The following CFAP20DC variants were observed in gnomAD, a reference collection of about 807,000 sequenced individuals.
CFAP20DC encodes the protein protein CFAP20DC.
CFAP20DC carries 84 observed loss-of-function variants against 101.7 expected under a neutral mutation model. That is an observed-to-expected ratio of 0.83 (90% CI 0.69 to 0.99). The LOEUF is 0.99. CFAP20DC is among the 50% of genes least tolerant of loss of function. The pLI is 0.00. For missense variants in CFAP20DC, 1,007 were observed against 970.3 expected (o/e 1.04, Z -0.50); for synonymous variants, 359 against 351.2 (o/e 1.02, Z -0.25).
chr3:58,967,801 A>G (rs774423694), intron 4 of CFAP20DC, among the ~76,000 whole-genome samples: 3 of 152,154 alleles, frequency 2.0e-5, no homozygotes, highest in Non-Finnish European at 4.4e-5. Flanking sequence ...AGATTATTTC[A>G]TCACCCAGGT....
Position 58,849,311 on chromosome 3 carries a change from C to T in CFAP20DC, c.1692G>A (p.Arg564=). The T allele has an allele frequency of 6.5e-7, 1 of 1,536,084 alleles. No individual in the cohort carries two copies. Among genetic ancestry groups the T allele is most frequent in the Non-Finnish European group, 8.7e-7 (1 of 1,146,902 alleles). The change falls in exon 13 of 17, where the codon CGG becomes CGA. Residue 564 remains arginine, a synonymous_variant. Coordinates refer to ENST00000482387, the MANE Select transcript of CFAP20DC (RefSeq NM_001394063.1). The part of the protein sequence containing the change: ...LESLLGKAAK[R]TSKEYLRSAY... ...CGCTCCTTAGATATTCCTTACTTGTCCGCTTTGCAGCCTTCCCCAGCAGGC... is the reference window on the plus strand; with the variant it reads ...CGCTCCTTAGATATTCCTTACTTGTTCGCTTTGCAGCCTTCCCCAGCAGGC...
chr3:58,836,114 C>T (rs555956076), intron 13 of CFAP20DC, among the ~76,000 whole-genome samples: 4 of 152,104 alleles, frequency 2.6e-5, no homozygotes, highest in African/African-American at 9.7e-5. Flanking sequence ...TTTCACTGAT[C>T]TTTCTCCAGA....
intron 4 of CFAP20DC, among the ~76,000 whole-genome samples, chr3:58,955,953 C>G (rs1367459686): frequency 6.6e-6 from 1 of 151,338 alleles, no homozygotes; most frequent in Non-Finnish European, 1.5e-5. Flanking sequence ...AGAAGGGAAC[C>G]CACTGCCTTG....
chr3:58,719,597 T>A (rs1256693260), intron 3 of CFAP20DC, among the ~76,000 whole-genome samples: 1 of 152,156 alleles, frequency 6.6e-6, no homozygotes, highest in Non-Finnish European at 1.5e-5. Flanking sequence ...TAAGACAGAG[T>A]CTCACCTGGT....
At chr3:59,034,623 T>C (rs1270969591) in intron 4 of CFAP20DC, among the ~76,000 whole-genome samples, 1 of 152,122 alleles carries the variant, frequency 6.6e-6, no homozygotes, top group Non-Finnish European at 1.5e-5. Context: ...GGTAAAGGGA[T>C]AAACGCAACA....
At chr3:58,856,030 A>G (rs1559715558) in intron 12 of CFAP20DC, among the ~76,000 whole-genome samples, 1 of 151,556 alleles carries the variant, frequency 6.6e-6, no homozygotes, top group Non-Finnish European at 1.5e-5. Context: ...TGACTGTAGG[A>G]AAAAAAACTT....
chr3:58,725,608 T>A (rs1260752783), intron 3 of CFAP20DC, among the ~76,000 whole-genome samples: 1 of 152,154 alleles, frequency 6.6e-6, no homozygotes, highest in African/African-American at 2.4e-5. Flanking sequence ...CCACGACAGT[T>A]CCCCAAAGCA....
intron 4 of CFAP20DC, among the ~76,000 whole-genome samples, chr3:58,980,182 A>AATGC (rs747353757): frequency 2.6e-5 from 4 of 152,118 alleles, no homozygotes; most frequent in Non-Finnish European, 5.9e-5. Flanking sequence ...GATAGCTCTT[A>AATGC]ATGCCTCTGT....
chr3:58,867,806 T>C lies in CFAP20DC; in HGVS notation c.1135+11A>G. 6.2e-7 allele frequency: 1 copy of C among 1,613,464 alleles called. No individual in the cohort carries two copies. ...ATACAGATATAAGATAGGATTGAAA[T>C]AGTGCCATACCGCTGGGTGTCTCTG... On this transcript the variant is annotated intron_variant, in intron 10 of 16. Transcript: ENST00000482387.
At chr3:58,945,189 C>G (rs924280618) in intron 4 of CFAP20DC, among the ~76,000 whole-genome samples, 3 of 152,192 alleles carry the variant, frequency 2.0e-5, no homozygotes, top group Admixed American at 6.5e-5. Context: ...ACCACACATT[C>G]AGCAGAGTGC....
At position 58,849,271 on chromosome 3, in the gene CFAP20DC, C is replaced by T. The variant is rs2078009743; in HGVS notation, c.1732G>A (p.Gly578Arg). 5 of 1,535,968 alleles carry T rather than the reference C, an allele frequency of 3.3e-6. No individual in the cohort carries two copies. The African/African-American group carries it at 4.1e-5, about 13-fold the overall frequency. The change falls in exon 13 of 17, where the codon GGA (glycine) becomes AGA (arginine). Residue 578 changes from glycine to arginine, a missense_variant. Physicochemically the swap from Gly to Arg is moderately radical, Grantham distance 125. Transcript: ENST00000482387. ...EYLRSAYTEA[G>R]ATESQDSSME... ...GAGGAATCCTGGCTTTCTGTTGCTCCTGCTTCTGTGTAGGCGCTCCTTAGA... is the reference window on the plus strand; with the variant it reads ...GAGGAATCCTGGCTTTCTGTTGCTCTTGCTTCTGTGTAGGCGCTCCTTAGA...
At chr3:58,720,223 G>C (rs900703363) in intron 3 of CFAP20DC, among the ~76,000 whole-genome samples, 9 of 152,240 alleles carry the variant, frequency 5.9e-5, no homozygotes, top group African/African-American at 2.2e-4. Flanking sequence ...CTTGTTCACT[G>C]CTCAGAGCAA....
intron 13 of CFAP20DC, among the ~76,000 whole-genome samples, chr3:58,835,234 T>C (rs967955776): frequency 1.3e-5 from 2 of 152,152 alleles, no homozygotes; most frequent in African/African-American, 4.8e-5. Flanking sequence ...GGAATTCTAA[T>C]GTACTGTGAG....
intron 15 of CFAP20DC, among the ~76,000 whole-genome samples, chr3:58,794,939 C>A (rs1177982246): frequency 1.3e-5 from 2 of 152,138 alleles, no homozygotes; most frequent in Admixed American, 6.5e-5. Context: ...GGGAAGCTAT[C>A]CTGTATTAGA....
At position 58,770,567 on chromosome 3, in the gene CFAP20DC, T is replaced by G. The variant is rs532600482; in HGVS notation, c.2238-16704A>C. ...GAAGGATGAGAATGAGGCAGCCAGA[T>G]AGTGAAGAGATGGAAGAATATTCTA... On this transcript the variant is annotated intron_variant, in intron 15 of 16. Transcript: ENST00000482387. 4.7e-4 allele frequency among the ~76,000 whole-genome samples: 72 copies of G among 152,214 alleles called. No homozygotes were observed. In the South Asian group the frequency reaches 5.4e-3, roughly 11 times the overall value.
At position 58,999,601 on chromosome 3, in the gene CFAP20DC, C is replaced by T. The variant is rs988319494; in HGVS notation, c.278+39956G>A. ...CACAATTAAATGGACTCTTGGCCCTCTCCTTGGACTGTTACAGTGAATCAC... is the reference window on the plus strand; with the variant it reads ...CACAATTAAATGGACTCTTGGCCCTTTCCTTGGACTGTTACAGTGAATCAC... On this transcript the variant is annotated intron_variant, in intron 4 of 16. Coordinates refer to ENST00000482387, the MANE Select transcript of CFAP20DC (RefSeq NM_001394063.1). Among the ~76,000 whole-genome samples the T allele has an allele frequency of 3.3e-5, 5 of 152,104 alleles. No homozygotes were observed. The East Asian group carries it at 5.8e-4, about 18-fold the overall frequency.
At chr3:58,949,160 T>C (rs1024623609) in intron 4 of CFAP20DC, among the ~76,000 whole-genome samples, 1 of 152,184 alleles carries the variant, frequency 6.6e-6, no homozygotes, top group Non-Finnish European at 1.5e-5. Context: ...TTTTATTGTG[T>C]CTATTTGATT....
chr3:58,886,714 A>AAAAAAG (rs1236821824), intron 6 of CFAP20DC, among the ~76,000 whole-genome samples: 6 of 152,176 alleles, frequency 3.9e-5, no homozygotes, highest in Non-Finnish European at 1.5e-5. Flanking sequence ...CCTGTCTTAA[A>AAAAAAG]AAAAAGAAAA....
chr3:58,805,681 A>C (rs1282933497), intron 15 of CFAP20DC, among the ~76,000 whole-genome samples: 1 of 152,220 alleles, frequency 6.6e-6, no homozygotes, highest in Admixed American at 6.5e-5. Context: ...TATATGATAA[A>C]TACTGATAAG....
Sources: allele counts gnomAD v4.1 joint callset (sites outside exome capture counted in the v4.1 genomes callset), GRCh38; gene constraint gnomAD v4.1.1; transcripts MANE v1.5; gene names NCBI Gene and HGNC (gene_info 2026-07-23, HGNC 2026-07-21).